Variants in TFEC observed in about 807,000 individuals in gnomAD.
The protein encoded by TFEC is class E basic helix-loop-helix protein 34.
A neutral mutation model predicts 41.6 loss-of-function variants in TFEC; 31 were observed. The observed-to-expected ratio is 0.74, with a 90% CI of 0.56 to 1.01. The LOEUF is 1.01. TFEC is among the 50% of genes least tolerant of loss of function. The probability of loss-of-function intolerance (pLI) is 0.00; values close to 1 mark genes in which losing one functional copy is unlikely to be tolerated. For missense variants in TFEC, 402 were observed against 404.1 expected, an observed-to-expected ratio of 0.99 and a Z score of 0.04; for synonymous variants, 143 against 140.6, an observed-to-expected ratio of 1.02 and a Z score of -0.12.
intron 1 of TFEC, among the ~76,000 whole-genome samples, chr7:116,004,816 A>C (rs1036730148): frequency 6.6e-6 from 1 of 151,584 alleles, no homozygotes; most frequent in Non-Finnish European, 1.5e-5. Context: ...TCATAGGGAG[A>C]TCAGTATTAC....
At chr7:116,081,578 C>T (rs1245557749) in intron 3 of TFEC, among the ~76,000 whole-genome samples, 3 of 152,024 alleles carry the variant, frequency 2.0e-5, no homozygotes, top group Non-Finnish European at 4.4e-5. Flanking sequence ...CCGCTGGTAA[C>T]TGCTCTCTCC....
chr7:116,157,321 C>T (rs553697902), intron 1 of TFEC: 1 of 151,954 alleles, frequency 6.6e-6, no homozygotes, highest in South Asian at 2.1e-4. Flanking sequence ...TTTCTCCTTT[C>T]CTCTTCTTCT....
chr7:116,053,675 G>T (rs1796365399), intron 3 of TFEC, among the ~76,000 whole-genome samples: 1 of 152,130 alleles, frequency 6.6e-6, no homozygotes. Flanking sequence ...ACCTAAGATA[G>T]CACATTTGCA....
intron 3 of TFEC, among the ~76,000 whole-genome samples, chr7:116,041,222 T>C (rs1796030311): frequency 1.3e-5 from 2 of 152,050 alleles, no homozygotes; most frequent in African/African-American, 4.8e-5. Context: ...ATGTATTGCA[T>C]TTCCCATATC....
chr7:116,098,525 T>G (rs1053981774), intron 3 of TFEC, among the ~76,000 whole-genome samples: 9 of 152,032 alleles, frequency 5.9e-5, no homozygotes, highest in African/African-American at 1.9e-4. Flanking sequence ...CACCTAGTCA[T>G]CCTACTGTAC....
At chr7:116,040,089 C>G (rs1042091066) in intron 3 of TFEC, among the ~76,000 whole-genome samples, 8 of 151,976 alleles carry the variant, frequency 5.3e-5, no homozygotes, top group African/African-American at 1.9e-4. Flanking sequence ...CTCTTGGTGA[C>G]AAGAAATGTT....
chr7:115,961,726 A>T (rs1255356061), intron 3 of TFEC, among the ~76,000 whole-genome samples: 4 of 151,774 alleles, frequency 2.6e-5, no homozygotes, highest in Non-Finnish European at 5.9e-5. Flanking sequence ...TAAAAGGTAA[A>T]AAGTTTCTCC....
At chr7:115,964,107 G>A (rs7784426) in intron 3 of TFEC, among the ~76,000 whole-genome samples, 128,916 of 151,484 alleles carry the variant, frequency 0.85, 54,988 homozygotes, top group Non-Finnish European at 0.89. Context: ...CTATGCTCAC[G>A]GTTGACAAAA....
At chr7:116,139,292 C>T (rs934891717) in intron 1 of TFEC, among the ~76,000 whole-genome samples, 4 of 152,176 alleles carry the variant, frequency 2.6e-5, no homozygotes, top group Admixed American at 6.5e-5. Context: ...AGAGCTAACA[C>T]GGGCGTCCCA....
At chr7:116,144,520 ATTAT>A (rs1798604264) in intron 1 of TFEC, among the ~76,000 whole-genome samples, 1 of 152,020 alleles carries the variant, frequency 6.6e-6, no homozygotes, top group South Asian at 2.1e-4. Context: ...ACTGACATTT[ATTAT>A]TTTTTTTAGA....
chr7:116,066,976 A>T (rs902574900), intron 3 of TFEC, among the ~76,000 whole-genome samples: 2 of 152,066 alleles, frequency 1.3e-5, no homozygotes, highest in African/African-American at 4.8e-5. Flanking sequence ...TTCACTTAAG[A>T]AGTGTATGTA....
intron 3 of TFEC, among the ~76,000 whole-genome samples, chr7:116,064,839 T>C (rs1374521364): frequency 1.3e-5 from 2 of 152,216 alleles, no homozygotes; most frequent in South Asian, 4.1e-4. Flanking sequence ...CCAGAACTGT[T>C]GGCCACAGGT....
intron 3 of TFEC, among the ~76,000 whole-genome samples, chr7:116,071,661 G>T: frequency 6.6e-6 from 1 of 151,362 alleles, no homozygotes; most frequent in Non-Finnish European, 1.5e-5. Flanking sequence ...TTGTTATGTA[G>T]AAGATACAGT....
Position 115,984,517 on chromosome 7 carries a change from C to T in TFEC, c.-72-4G>A. ...AACTTTCCAGGTGTGCTGGGACCTACAAGATCAAAATTAAACAAATACAAT... is the reference window on the plus strand; with the variant it reads ...AACTTTCCAGGTGTGCTGGGACCTATAAGATCAAAATTAAACAAATACAAT... On this transcript the variant is annotated splice_region_variant and splice_polypyrimidine_tract_variant and intron_variant, in intron 1 of 7. Transcript: ENST00000265440. The T allele has an allele frequency of 3.7e-6, 6 of 1,613,058 alleles. No homozygotes were observed. The highest frequency in any genetic ancestry group is 5.1e-6 in the Non-Finnish European group (6 of 1,179,432).
At chr7:116,155,412 G>A (rs1035399076) in intron 1 of TFEC, among the ~76,000 whole-genome samples, 5 of 152,092 alleles carry the variant, frequency 3.3e-5, no homozygotes, top group African/African-American at 7.2e-5. Context: ...ATATTTCCAC[G>A]TCGTACTTCT....
chr7:116,079,172 A>C (rs1797029863), intron 3 of TFEC, among the ~76,000 whole-genome samples: 1 of 152,124 alleles, frequency 6.6e-6, no homozygotes, highest in Non-Finnish European at 1.5e-5. Flanking sequence ...CATAGAAGGA[A>C]CATACCTTAA....
At chr7:115,965,266 C>A (rs1054131827) in intron 3 of TFEC, among the ~76,000 whole-genome samples, 2 of 151,648 alleles carry the variant, frequency 1.3e-5, no homozygotes, top group Non-Finnish European at 3.0e-5. Flanking sequence ...TTTCCTACCT[C>A]TTCAGGCTTA....
intron 1 of TFEC, among the ~76,000 whole-genome samples, chr7:116,128,467 G>C (rs1028500990): frequency 6.6e-6 from 1 of 151,884 alleles, no homozygotes; most frequent in Non-Finnish European, 1.5e-5. Context: ...GGGAAGGTGT[G>C]GTTTATATGA....
chr7:116,146,398 T>A (rs189310205), intron 1 of TFEC, among the ~76,000 whole-genome samples: 1 of 152,326 alleles, frequency 6.6e-6, no homozygotes, highest in Non-Finnish European at 1.5e-5. Flanking sequence ...CTGTTTAGTG[T>A]CTATGGAGAT....
Sources: allele counts gnomAD v4.1 joint callset (sites outside exome capture counted in the v4.1 genomes callset), GRCh38; gene constraint gnomAD v4.1.1; transcripts MANE v1.5; gene names NCBI Gene and HGNC (gene_info 2026-07-23, HGNC 2026-07-21).